RALYL: variants seen among roughly 807,000 people sequenced by gnomAD.
RALYL encodes the protein RALY RNA binding protein like, also known as RNA-binding Raly-like protein.
A neutral mutation model predicts 35.1 loss-of-function variants in RALYL; 29 were observed. The observed-to-expected ratio is 0.83, with a 90% CI of 0.61 to 1.13. The LOEUF is 1.13. RALYL is among the 50% of genes most tolerant of loss of function. RALYL has a pLI of 0.00. For synonymous variants in RALYL, 120 were observed against 127.6 expected, an observed-to-expected ratio of 0.94 and a Z score of 0.40; for missense variants, 359 against 360.4, an observed-to-expected ratio of 1.00 and a Z score of 0.03.
chr8:84,891,144 A>G (rs1042811797), intron 8 of RALYL, among the ~76,000 whole-genome samples: 21 of 152,266 alleles, frequency 1.4e-4, no homozygotes, highest in Admixed American at 9.8e-4. Context: ...GCAGATGAAG[A>G]ATCTAAGGAA....
intron 2 of RALYL, among the ~76,000 whole-genome samples, chr8:84,764,229 C>G (rs1487518042): frequency 6.6e-6 from 1 of 152,172 alleles, no homozygotes; most frequent in Non-Finnish European, 1.5e-5. Context: ...ATGCCTGTTA[C>G]ATTTTCTATA....
At chr8:84,277,588 C>G (rs940939708) in intron 1 of RALYL, among the ~76,000 whole-genome samples, 1 of 152,204 alleles carries the variant, frequency 6.6e-6, no homozygotes, top group Admixed American at 6.5e-5. Context: ...CAAGGCAAGT[C>G]CCTTCTGCCT....
At position 84,749,528 on chromosome 8, in the gene RALYL, A is replaced by G. The variant is rs151202453; in HGVS notation, c.257-25051A>G. Among the ~76,000 whole-genome samples the G allele has an allele frequency of 4.2e-3, 639 of 152,288 alleles. 2 individuals carry two copies. Among genetic ancestry groups the G allele is most frequent in the Non-Finnish European group, 6.6e-3 (448 of 68,012 alleles). On this transcript the variant is annotated intron_variant, in intron 2 of 8. Transcript: ENST00000521268. ...TACTATGAAAGAGGTAAACCTAAAC[A>G]TCATAGACAAGGGTTCCTCGCCAAG... is the stretch of plus-strand genomic sequence containing the variant.
intron 2 of RALYL, among the ~76,000 whole-genome samples, chr8:84,530,468 A>AC (rs1238838913): frequency 1.4e-5 from 2 of 147,678 alleles, no homozygotes; most frequent in African/African-American, 5.0e-5. Context: ...AATAAAGGGA[A>AC]CCCCCAATTT....
intron 1 of RALYL, among the ~76,000 whole-genome samples, chr8:84,342,296 A>ATATATATAT (rs1554626164): frequency 3.1e-4 from 37 of 119,064 alleles, no homozygotes; most frequent in Non-Finnish European, 4.0e-4. Flanking sequence ...ATATATATAT[A>ATATATATAT]AAACTCAAAA....
chr8:84,425,094 A>G (rs1191047510), intron 1 of RALYL, among the ~76,000 whole-genome samples: 10 of 152,152 alleles, frequency 6.6e-5, no homozygotes, highest in South Asian at 2.1e-4. Flanking sequence ...CGAGCTTCCT[A>G]GCTGCTTTGT....
intron 6 of RALYL, 142 bp downstream of exon 6, chr8:84,862,595 T>TA (rs937739767): frequency 1.4e-5 from 9 of 653,056 alleles, no homozygotes; most frequent in Non-Finnish European, 2.1e-5. Context: ...ATAAGATGGA[T>TA]AAAAAATGGT....
rs983725 is a variant in RALYL at position 84,486,202 on chromosome 8, T to C, written c.-23-43097T>C. ...ACAACAAGAATATAATTAATAATAA[T>C]AATGAAATAAGTAATCAGAATAGCC... On this transcript the variant is annotated intron_variant, in intron 1 of 8. Transcript: ENST00000521268. 2.8e-3 allele frequency among the ~76,000 whole-genome samples: 419 copies of C among 150,862 alleles called. 13 individuals carry two copies. The highest frequency in any genetic ancestry group is 0.022 in the Admixed American group (328 of 15,072).
At chr8:84,577,019 T>A (rs534965703) in intron 2 of RALYL, among the ~76,000 whole-genome samples, 2 of 152,362 alleles carry the variant, frequency 1.3e-5, no homozygotes, top group East Asian at 3.9e-4. Flanking sequence ...CACTGAACTT[T>A]TGACTGTACA....
intron 1 of RALYL, among the ~76,000 whole-genome samples, chr8:84,302,215 T>A (rs1030991765): frequency 6.6e-6 from 1 of 152,172 alleles, no homozygotes; most frequent in Non-Finnish European, 1.5e-5. Context: ...CTGATACTTT[T>A]GAAAGTTGTT....
chr8:84,599,456 A>G lies in RALYL; in HGVS notation c.256+69879A>G, dbSNP rs16913018. Among the ~76,000 whole-genome samples the G allele has an allele frequency of 9.1e-3, 1,377 of 152,140 alleles. 20 individuals carry two copies. Among genetic ancestry groups the G allele is most frequent in the African/African-American group, 0.031 (1,308 of 41,536 alleles). On this transcript the variant is annotated intron_variant, in intron 2 of 8. Transcript: ENST00000521268. ...GTATTTATTTTGTAAGTCAAAAAAC[A>G]ATATAAGAAAATAGGCTTCTTCCTC...
At chr8:84,706,835 G>C (rs1156766792) in intron 2 of RALYL, among the ~76,000 whole-genome samples, 4 of 152,074 alleles carry the variant, frequency 2.6e-5, no homozygotes, top group Non-Finnish European at 4.4e-5. Flanking sequence ...TCTCTAGTAA[G>C]TTTAACTCTT....
chr8:84,781,109 C>T (rs577235957), intron 3 of RALYL, among the ~76,000 whole-genome samples: 21 of 152,178 alleles, frequency 1.4e-4, no homozygotes, highest in Admixed American at 6.5e-4. Context: ...GCAATCTGCC[C>T]GCCTCAGCCT....
chr8:84,447,687 T>C (rs965366259), intron 1 of RALYL, among the ~76,000 whole-genome samples: 4 of 152,086 alleles, frequency 2.6e-5, no homozygotes, highest in Admixed American at 2.6e-4. Context: ...AAATTTGTGA[T>C]TGAATGAGGA....
rs146401153 is a variant in RALYL, at chr8:84,230,927, C to A, written c.-24+46503C>A. ...ATTTCAAAGCCCATGCTCTTGACTT[C>A]CATGCTACACCACCTCTGTTCAGTT... On this transcript the variant is annotated intron_variant, in intron 1 of 8. Transcript: ENST00000521268. Among the ~76,000 whole-genome samples the A allele has an allele frequency of 2.4e-3, 368 of 152,308 alleles. 3 individuals are homozygous for A. The highest frequency in any genetic ancestry group is 6.8e-3 in the Middle Eastern group (2 of 294).
intron 1 of RALYL, among the ~76,000 whole-genome samples, chr8:84,468,236 T>A (rs1393465335): frequency 2.6e-5 from 4 of 152,048 alleles, no homozygotes; most frequent in Admixed American, 1.3e-4. Context: ...TTCTTCCTAG[T>A]CTCGATGGTC....
At chr8:84,441,369 G>A (rs900736649) in intron 1 of RALYL, among the ~76,000 whole-genome samples, 4 of 151,958 alleles carry the variant, frequency 2.6e-5, no homozygotes, top group Non-Finnish European at 5.9e-5. Flanking sequence ...TTTTGGCCTC[G>A]GAATATATTG....
intron 5 of RALYL, among the ~76,000 whole-genome samples, chr8:84,855,750 C>T (rs1836835294): frequency 6.6e-6 from 1 of 152,182 alleles, no homozygotes; most frequent in Non-Finnish European, 1.5e-5. Context: ...CTAAATCCAA[C>T]CTCTTTTTTC....
At chr8:84,555,106 C>T (rs375591839) in intron 2 of RALYL, among the ~76,000 whole-genome samples, 1 of 152,074 alleles carries the variant, frequency 6.6e-6, no homozygotes, top group Non-Finnish European at 1.5e-5. Flanking sequence ...TGGTGAAACC[C>T]CACCTCTACT....
Sources: gnomAD v4.1 joint callset for allele counts (sites outside exome capture counted in the v4.1 genomes callset) on GRCh38, gnomAD v4.1.1 for gene constraint, MANE v1.5 for transcripts, NCBI Gene and HGNC (gene_info 2026-07-23, HGNC 2026-07-21) for gene names.